PDE1C: variants seen among roughly 807,000 people sequenced by gnomAD.
PDE1C encodes dual specificity calcium/calmodulin-dependent 3',5'-cyclic nucleotide phosphodiesterase 1C.
A neutral mutation model predicts 93.1 loss-of-function variants in PDE1C; 62 were observed. That is an observed-to-expected ratio of 0.67 (90% CI 0.54 to 0.82). The LOEUF (loss-of-function observed/expected upper bound fraction) is 0.82. PDE1C is among the 40% of genes least tolerant of loss of function. The pLI, the probability that PDE1C is intolerant of heterozygous loss-of-function variation, is 0.00. For missense variants in PDE1C, 742 were observed against 884.6 expected (o/e 0.84, Z 2.04); for synonymous variants, 325 against 310.1 (o/e 1.05, Z -0.50).
chr7:31,858,158 G>A (rs1048285062), intron 7 of PDE1C, among the ~76,000 whole-genome samples: 1 of 152,120 alleles, frequency 6.6e-6, no homozygotes, highest in African/African-American at 2.4e-5. Context: ...CAGACAGGGA[G>A]AAATAAATAA....
chr7:32,266,511 A>G (rs1227631905), intron 1 of PDE1C, among the ~76,000 whole-genome samples: 1 of 152,158 alleles, frequency 6.6e-6, no homozygotes, highest in African/African-American at 2.4e-5. Flanking sequence ...AAAAAATAAA[A>G]AGCCTTTCCT....
At chr7:31,806,720 T>C (rs1005000752) in intron 16 of PDE1C, among the ~76,000 whole-genome samples, 4 of 152,000 alleles carry the variant, frequency 2.6e-5, no homozygotes, top group East Asian at 3.9e-4. Context: ...AATGTTCACA[T>C]TGGGCATGAA....
At chr7:32,018,620 T>C (rs1788235097) in intron 2 of PDE1C, among the ~76,000 whole-genome samples, 2 of 152,284 alleles carry the variant, frequency 1.3e-5, no homozygotes, top group Admixed American at 6.5e-5. Context: ...TAGGTGAATC[T>C]ACACAGACAG....
At chr7:32,138,146 G>A (rs934644991) in intron 3 of PDE1C, among the ~76,000 whole-genome samples, 1 of 152,046 alleles carries the variant, frequency 6.6e-6, no homozygotes, top group African/African-American at 2.4e-5. Context: ...GGAGTCCTGG[G>A]TTCAAATTCT....
chr7:31,628,757 G>T, the PDE1C span, among the ~76,000 whole-genome samples: 59,907 of 151,984 alleles, frequency 0.39, 12,332 homozygotes, highest in Middle Eastern at 0.47. Context: ...CGCCCGGCCT[G>T]AGCGTGATTC....
intron 2 of PDE1C, among the ~76,000 whole-genome samples, chr7:31,993,911 C>T (rs926723341): frequency 4.6e-5 from 7 of 152,064 alleles, no homozygotes; most frequent in Non-Finnish European, 8.8e-5. Flanking sequence ...TTCCCTTTTT[C>T]GGCAGTATGT....
chr7:31,717,151 T>C, the PDE1C span, among the ~76,000 whole-genome samples: 2 of 152,248 alleles, frequency 1.3e-5, no homozygotes, highest in South Asian at 2.1e-4. Flanking sequence ...TGATTAGTTT[T>C]TGCAAAGAAA....
chr7:32,167,099 AT>A lies in PDE1C; in HGVS notation c.308+2685del, dbSNP rs560031702. Among the ~76,000 whole-genome samples the A allele has an allele frequency of 4.2e-3, 636 of 152,288 alleles. 7 individuals carry two copies. The highest frequency in any genetic ancestry group is 0.015 in the African/African-American group (604 of 41,566). On this transcript the variant is annotated intron_variant, in intron 3 of 18. Coordinates refer to the PDE1C transcript ENST00000396193. ...AGACTGAAACATAAAAATATTTGAA[AT>A]TTTTTTGAAAAACACCCATCATTGA...
At chr7:31,933,749 A>G (rs1191490541) in intron 2 of PDE1C, among the ~76,000 whole-genome samples, 2 of 152,170 alleles carry the variant, frequency 1.3e-5, no homozygotes, top group African/African-American at 4.8e-5. Flanking sequence ...CTGTTGGTTT[A>G]AAAGTGTGTG....
chr7:31,842,019 G>A (rs1347788132), intron 9 of PDE1C, among the ~76,000 whole-genome samples: 2 of 152,044 alleles, frequency 1.3e-5, no homozygotes, highest in African/African-American at 2.4e-5. Context: ...GTTAGGAAGG[G>A]CAATCTGCTT....
At chr7:32,070,562 C>G, upstream of PDE1C, 2 of 1,442,744 alleles carry the variant, frequency 1.4e-6, no homozygotes, top group South Asian at 2.9e-5. Context: ...AGAGCGGACT[C>G]CGATCGCGGC....
intron 1 of PDE1C, among the ~76,000 whole-genome samples, chr7:32,290,256 C>T (rs534340582): frequency 1.6e-4 from 24 of 152,154 alleles, no homozygotes; most frequent in Non-Finnish European, 2.8e-4. Context: ...GAAATCCTAC[C>T]CTAAAACAAA....
chr7:31,723,536 CT>C, the PDE1C span, among the ~76,000 whole-genome samples: 1 of 152,120 alleles, frequency 6.6e-6, no homozygotes, highest in African/African-American at 2.4e-5. Flanking sequence ...AGCAGTGGTT[CT>C]CCCTGTCCTG....
intron 1 of PDE1C, among the ~76,000 whole-genome samples, chr7:32,309,449 A>G (rs1224308148): frequency 5.9e-5 from 9 of 152,204 alleles, no homozygotes; most frequent in Non-Finnish European, 8.8e-5. Context: ...CATAATTGTC[A>G]GATTCACCAA....
chr7:32,069,192 T>C (rs1795737070), intron 1 of PDE1C, among the ~76,000 whole-genome samples: 2 of 152,230 alleles, frequency 1.3e-5, no homozygotes, highest in African/African-American at 4.8e-5. Context: ...AAACACATAC[T>C]ACCTTAATGC....
At chr7:32,421,912 G>T (rs1488680815) in intron 1 of PDE1C, among the ~76,000 whole-genome samples, 2 of 152,086 alleles carry the variant, frequency 1.3e-5, no homozygotes, top group Non-Finnish European at 2.9e-5. Flanking sequence ...TGGCTAGGCA[G>T]GTTACTTGAT....
chr7:32,335,172 A>C (rs1783595602), intron 1 of PDE1C, among the ~76,000 whole-genome samples: 1 of 152,204 alleles, frequency 6.6e-6, no homozygotes, highest in Admixed American at 6.5e-5. Context: ...AAACAGACTA[A>C]AAAATTGACC....
At chr7:32,227,797 C>G (rs925134986) in intron 1 of PDE1C, among the ~76,000 whole-genome samples, 31 of 152,314 alleles carry the variant, frequency 2.0e-4, no homozygotes, top group African/African-American at 7.5e-4. Context: ...ACCTTGCTCT[C>G]TCTTAGATCA....
chr7:31,657,092 T>C, the PDE1C span, among the ~76,000 whole-genome samples: 51 of 5,104 alleles, frequency 1.0e-2, no homozygotes, highest in African/African-American at 0.034. Flanking sequence ...ATTTTATATA[T>C]GATATATATA....
Sources: allele counts gnomAD v4.1 joint callset (sites outside exome capture counted in the v4.1 genomes callset), GRCh38; gene constraint gnomAD v4.1.1; transcripts MANE v1.5; gene names NCBI Gene and HGNC (gene_info 2026-07-23, HGNC 2026-07-21).